SLC25A18: variants seen among roughly 807,000 people sequenced by gnomAD.
SLC25A18 encodes the protein mitochondrial glutamate carrier 2.
SLC25A18 carries 24 observed loss-of-function variants against 31.1 expected under a neutral mutation model. The observed-to-expected ratio is 0.77, with a 90% CI of 0.56 to 1.08. The LOEUF (loss-of-function observed/expected upper bound fraction) is 1.08. Ranked by LOEUF, SLC25A18 falls within the 50% of genes least tolerant of loss-of-function variation. The pLI is 0.00. For missense variants in SLC25A18, 371 were observed against 418.5 expected, an observed-to-expected ratio of 0.89 and a Z score of 0.99; for synonymous variants, 173 against 161.9, an observed-to-expected ratio of 1.07 and a Z score of -0.52.
At chr22:17,577,388 C>G (rs771441022) in intron 2 of SLC25A18, among the ~76,000 whole-genome samples, 1 of 146,056 alleles carries the variant, frequency 6.8e-6, no homozygotes. Flanking sequence ...AAACTCCTGA[C>G]GTCAGGTGAT....
chr22:17,590,555 G>GTTGT lies in SLC25A18; in HGVS notation c.*322_*325dup, dbSNP rs1374783414. The GTTGT allele has an allele frequency of 1.2e-5, 3 of 245,394 alleles. No individual in the cohort carries two copies. Among genetic ancestry groups the GTTGT allele is most frequent in the Non-Finnish European group, 2.4e-5 (3 of 126,290 alleles). The allele number at this position is 245,394 out of a possible 1,614,324, so 15.2% of individuals were successfully genotyped here. A position where few individuals can be genotyped will look rare whatever the true frequency, so the allele number is the denominator to read the frequency against. On this transcript the variant is annotated 3_prime_UTR_variant, in exon 11 of 11. Coordinates refer to ENST00000327451, the MANE Select transcript of SLC25A18 (RefSeq NM_031481.3). ...CTTAACAGGTAGTCACAATAGAAGG[G>GTTGT]TTGTTTCTGTATTTTAACATTTCTA...
intron 1 of SLC25A18, among the ~76,000 whole-genome samples, chr22:17,568,450 T>C (rs1418444177): frequency 6.8e-6 from 1 of 146,818 alleles, no homozygotes; most frequent in Admixed American, 6.9e-5. Flanking sequence ...CACCTTTAAA[T>C]AAGGAAGAGG....
intron 1 of SLC25A18, chr22:17,569,715 A>G: frequency 1.0e-6 from 1 of 985,370 alleles, no homozygotes; most frequent in Non-Finnish European, 1.2e-6. Flanking sequence ...ACAGCAACCT[A>G]CTTGCCACCT....
intron 7 of SLC25A18, among the ~76,000 whole-genome samples, chr22:17,585,948 C>T (rs959633817): frequency 2.0e-4 from 30 of 151,968 alleles, no homozygotes; most frequent in Non-Finnish European, 4.0e-4. Flanking sequence ...CCACCGTGCC[C>T]GGCCACCTCA....
chr22:17,584,400 AAAG>A (rs2057465281), intron 7 of SLC25A18, among the ~76,000 whole-genome samples: 2 of 121,588 alleles, frequency 1.6e-5, no homozygotes, highest in Non-Finnish European at 3.2e-5. Context: ...CTCAAAAAGA[AAAG>A]AAAGAAAGAA....
chr22:17,584,875 G>A (rs1324951950), intron 7 of SLC25A18, among the ~76,000 whole-genome samples: 1 of 151,500 alleles, frequency 6.6e-6, no homozygotes. Flanking sequence ...CTGGCTTTTG[G>A]TAGAAAGGCA....
At position 17,572,636 on chromosome 22, in the gene SLC25A18, A is replaced by ATTTT. The variant is rs1601279642; in HGVS notation, c.-201+2650_-201+2651insTTTT. On this transcript the variant is annotated intron_variant, in intron 2 of 10. Transcript: ENST00000327451. ...TGGCGAGACCCCATCTCTACAAATA[A>ATTTT]ATTTTTTTTTTTTTTTTTTTTTTGA... is the stretch of plus-strand genomic sequence containing the variant. Among the ~76,000 whole-genome samples, 8 of 103,090 alleles carry ATTTT rather than the reference A, an allele frequency of 7.8e-5. 3 individuals are homozygous for ATTTT. The highest frequency in any genetic ancestry group is 3.6e-5 in the African/African-American group (1 of 28,042). 67.6% of individuals were successfully genotyped at this position (103,090 alleles called of 152,430 possible). A position where few individuals can be genotyped will look rare whatever the true frequency, so the allele number is the denominator to read the frequency against.
At chr22:17,571,929 A>T (rs2057098119) in intron 2 of SLC25A18, among the ~76,000 whole-genome samples, 1 of 152,040 alleles carries the variant, frequency 6.6e-6, no homozygotes, top group Admixed American at 6.6e-5. Flanking sequence ...AGGCAGGAGA[A>T]TCGCTTGAAC....
Position 17,590,234 on chromosome 22 carries a change from T to G in SLC25A18, c.946T>G (p.Ter316GluextTer15), listed in dbSNP as rs1405021846. 2 of 1,614,212 alleles carry G rather than the reference T, an allele frequency of 1.2e-6. No homozygotes were observed. The highest frequency in any genetic ancestry group is 1.1e-5 in the South Asian group (1 of 91,080). Residue 316 changes from the stop codon to glutamate (E), a stop_lost, in exon 11 of 11, where the codon TAG becomes GAG. Coordinates refer to ENST00000327451, the MANE Select transcript of SLC25A18 (RefSeq NM_031481.3). ...IGERILKCFD[*>E] ...AGAGCGCATCTTAAAGTGTTTTGAC[T>G]AGACAGAGCTGGAGGTCAAGTCCCT...
At chr22:17,585,011 G>A (rs60322904) in intron 7 of SLC25A18, among the ~76,000 whole-genome samples, 13,144 of 151,130 alleles carry the variant, frequency 0.087, 914 homozygotes, top group African/African-American at 0.19. Context: ...GTACACTCCT[G>A]TAATCTCAGC....
chr22:17,580,024 G>C, intron 3 of SLC25A18, 60 bp downstream of exon 3: 2 of 1,527,602 alleles, frequency 1.3e-6, no homozygotes, highest in Non-Finnish European at 1.8e-6. Context: ...GAGTCGCTGT[G>C]GTGATAGCAC....
chr22:17,590,977 A>T lies in SLC25A18; in HGVS notation c.*741A>T, dbSNP rs976679470. 1 of 152,232 alleles carries T rather than the reference A, an allele frequency of 6.6e-6. No individual in the cohort carries two copies. The highest frequency in any genetic ancestry group is 1.5e-5 in the Non-Finnish European group (1 of 68,042). The allele number at this position is 152,232 out of a possible 1,614,324, so 9.4% of individuals were successfully genotyped here. On this transcript the variant is annotated 3_prime_UTR_variant, in exon 11 of 11. Coordinates refer to ENST00000327451, the MANE Select transcript of SLC25A18 (RefSeq NM_031481.3). The stretch of plus-strand genomic sequence containing the variant: ...ACGTCCATTTCAAAACCAAACATTA[A>T]AAAGGGCATAGAAGCAGACCCCCGT...
intron 2 of SLC25A18, among the ~76,000 whole-genome samples, chr22:17,570,695 A>C (rs138952230): frequency 2.6e-5 from 4 of 152,264 alleles, no homozygotes; most frequent in South Asian, 2.1e-4. Context: ...CATGTTGGCC[A>C]GGCTGGTCTC....
intron 10 of SLC25A18, 31 bp downstream of exon 10, chr22:17,589,696 TG>T (rs34995295): frequency 6.2e-7 from 1 of 1,605,960 alleles, no homozygotes. Flanking sequence ...AAATGGTGGC[TG>T]GGACAGGTTC....
chr22:17,579,911 A>C lies in SLC25A18; in HGVS notation c.-34A>C. On this transcript the variant is annotated 5_prime_UTR_variant, in exon 3 of 11. Coordinates refer to ENST00000327451, the MANE Select transcript of SLC25A18 (RefSeq NM_031481.3). Reference sequence around the variant, plus strand: ...ACAGCGGCTACCCCAAGGAGCCAGCAGCCTTGTGTCCTGGGATCCCCAGCC... The same window carrying C: ...ACAGCGGCTACCCCAAGGAGCCAGCCGCCTTGTGTCCTGGGATCCCCAGCC... 6.2e-7 allele frequency: 1 copy of C among 1,605,338 alleles called. No individual in the cohort carries two copies. Among genetic ancestry groups the C allele is most frequent in the Non-Finnish European group, 8.5e-7 (1 of 1,176,530 alleles).
At position 17,590,078 on chromosome 22, in the gene SLC25A18, C is replaced by T; in HGVS notation, c.807-17C>T. The T allele has an allele frequency of 1.9e-6, 3 of 1,613,580 alleles. No homozygotes were observed. Among genetic ancestry groups the T allele is most frequent in the Non-Finnish European group, 2.5e-6 (3 of 1,180,030 alleles). ...ATGCCCCTGCCCATCAGCTCACTGG[C>T]TCTTCTTTCTCCCCAGGAAACTCTG... is the stretch of plus-strand genomic sequence containing the variant. On this transcript the variant is annotated splice_polypyrimidine_tract_variant and intron_variant, in intron 10 of 10. Coordinates refer to ENST00000327451, the MANE Select transcript of SLC25A18 (RefSeq NM_031481.3).
chr22:17,568,244 G>A (rs1272497203), intron 1 of SLC25A18, among the ~76,000 whole-genome samples: 4 of 151,650 alleles, frequency 2.6e-5, no homozygotes, highest in African/African-American at 9.7e-5. Flanking sequence ...GTGGGCACCT[G>A]TAGTCCCAGC....
chr22:17,575,008 C>T (rs1160391011), intron 2 of SLC25A18, among the ~76,000 whole-genome samples: 2 of 151,972 alleles, frequency 1.3e-5, no homozygotes, highest in Non-Finnish European at 2.9e-5. Context: ...TGCATCACCA[C>T]GCCCAGCTAA....
In SLC25A18 at chr22:17,590,392, A is replaced by C; in HGVS notation, c.*156A>C. ...TCGGGAGAAACAGCCCTATATTCTA[A>C]CAAGTTGAGCACAGCCTTCTTCCCC... On this transcript the variant is annotated 3_prime_UTR_variant, in exon 11 of 11. Transcript: ENST00000327451. The C allele has an allele frequency of 1.2e-6, 1 of 838,596 alleles. No individual in the cohort carries two copies. The highest frequency in any genetic ancestry group is 2.0e-5 in the South Asian group (1 of 50,236). 51.9% of individuals were successfully genotyped at this position (838,596 alleles called of 1,614,324 possible).
Sources: allele counts gnomAD v4.1 joint callset (sites outside exome capture counted in the v4.1 genomes callset), GRCh38; gene constraint gnomAD v4.1.1; transcripts MANE v1.5; gene names NCBI Gene and HGNC (gene_info 2026-07-23, HGNC 2026-07-21).